STAG1: variants seen among roughly 807,000 people sequenced by gnomAD.
The protein encoded by STAG1 is STAG1 cohesin complex component, also known as cohesin subunit SA-1.
In STAG1, 26 loss-of-function variants were observed where a neutral mutation model predicts 170.9. That is an observed-to-expected ratio of 0.15 (90% CI 0.11 to 0.21). The LOEUF is 0.21. STAG1 is among the 10% of genes least tolerant of loss of function. The pLI, the probability that STAG1 is intolerant of heterozygous loss-of-function variation, is 1.00. For synonymous variants in STAG1, 514 were observed against 497.7 expected (o/e 1.03, Z -0.44); for missense variants, 964 against 1,509.5 (o/e 0.64, Z 5.99).
intron 4 of STAG1, among the ~76,000 whole-genome samples, chr3:136,598,338 C>T (rs1299727754): frequency 6.6e-6 from 1 of 152,078 alleles, no homozygotes; most frequent in African/African-American, 2.4e-5. Context: ...CCAAGTAATG[C>T]TTTAGCTGGC....
chr3:136,502,509 T>A, intron 8 of STAG1, 119 bp downstream of exon 8: 1 of 1,101,260 alleles, frequency 9.1e-7, no homozygotes. Context: ...AACCCTGACA[T>A]CAAATAATCT....
At chr3:136,750,433 G>GC (rs781173917) in intron 1 of STAG1, among the ~76,000 whole-genome samples, 4 of 152,152 alleles carry the variant, frequency 2.6e-5, no homozygotes, top group African/African-American at 4.8e-5. Flanking sequence ...ACACCATAGT[G>GC]CCTTTAAGGC....
chr3:136,362,446 T>A (rs1188162645), intron 26 of STAG1, among the ~76,000 whole-genome samples: 1 of 151,744 alleles, frequency 6.6e-6, no homozygotes, highest in Admixed American at 6.6e-5. Context: ...TGCTGATTGA[T>A]GTATACATCT....
chr3:136,524,721 T>C (rs918272765), intron 6 of STAG1, among the ~76,000 whole-genome samples: 4 of 145,624 alleles, frequency 2.7e-5, no homozygotes, highest in East Asian at 1.9e-4. Context: ...AGTATGATAC[T>C]GGCTGTGGGT....
chr3:136,498,559 T>G (rs549204169), intron 9 of STAG1, among the ~76,000 whole-genome samples: 1 of 151,906 alleles, frequency 6.6e-6, no homozygotes, highest in South Asian at 2.1e-4. Context: ...CACTTGAATT[T>G]CTTAAGGATG....
chr3:136,371,357 T>A (rs548119099), intron 23 of STAG1, among the ~76,000 whole-genome samples: 41 of 152,230 alleles, frequency 2.7e-4, no homozygotes, highest in Non-Finnish European at 5.7e-4. Flanking sequence ...CTCTTTAGTT[T>A]AATTAGATCC....
intron 1 of STAG1, among the ~76,000 whole-genome samples, chr3:136,664,762 G>GA (rs1485750804): frequency 2.0e-5 from 3 of 152,112 alleles, no homozygotes; most frequent in Non-Finnish European, 4.4e-5. Flanking sequence ...ACAGCCAAGA[G>GA]AAAGACCTGT....
At chr3:136,737,656 T>C (rs938763756) in intron 1 of STAG1, among the ~76,000 whole-genome samples, 2 of 152,254 alleles carry the variant, frequency 1.3e-5, no homozygotes, top group Non-Finnish European at 2.9e-5. Flanking sequence ...CAACAAATAT[T>C]TGTTAGCCCT....
At chr3:136,745,237 T>C (rs187738398) in intron 1 of STAG1, among the ~76,000 whole-genome samples, 2 of 152,306 alleles carry the variant, frequency 1.3e-5, no homozygotes, top group East Asian at 3.9e-4. Context: ...CAAAGGAATG[T>C]ATTTCATAAA....
At chr3:136,425,557 T>C (rs901235080) in intron 16 of STAG1, among the ~76,000 whole-genome samples, 5 of 152,034 alleles carry the variant, frequency 3.3e-5, no homozygotes, top group Admixed American at 6.6e-5. Flanking sequence ...TTTTAACTAA[T>C]GTAAATGTTT....
intron 28 of STAG1, among the ~76,000 whole-genome samples, chr3:136,350,202 C>T (rs1383120553): frequency 6.6e-6 from 1 of 152,022 alleles, no homozygotes; most frequent in Non-Finnish European, 1.5e-5. Flanking sequence ...AGCATTTGAT[C>T]CACAACCTGT....
At chr3:136,571,776 A>G (rs1576620234) in intron 4 of STAG1, among the ~76,000 whole-genome samples, 1 of 151,920 alleles carries the variant, frequency 6.6e-6, no homozygotes, top group East Asian at 1.9e-4. Context: ...AGCCACTTGG[A>G]AAGCTGAGGC....
intron 1 of STAG1, among the ~76,000 whole-genome samples, chr3:136,732,237 T>TAAAA (rs71134406): frequency 2.2e-4 from 19 of 85,730 alleles, no homozygotes; most frequent in East Asian, 1.1e-3. Flanking sequence ...TATCCACAAC[T>TAAAA]AAAAAAAAAA....
chr3:136,613,733 C>T (rs954700793), intron 3 of STAG1, among the ~76,000 whole-genome samples: 6 of 152,084 alleles, frequency 3.9e-5, no homozygotes, highest in Admixed American at 2.0e-4. Flanking sequence ...GTGATTTGCC[C>T]CGCCTTGGCT....
intron 14 of STAG1, among the ~76,000 whole-genome samples, chr3:136,445,042 T>G (rs1428091630): frequency 6.8e-6 from 1 of 147,210 alleles, no homozygotes; most frequent in South Asian, 2.2e-4. Flanking sequence ...TTTTTTTTTG[T>G]AGAGACGGGG....
intron 9 of STAG1, among the ~76,000 whole-genome samples, chr3:136,491,913 A>G (rs2090131685): frequency 6.6e-6 from 1 of 152,152 alleles, no homozygotes; most frequent in Non-Finnish European, 1.5e-5. Context: ...AATCACCTGA[A>G]CCCAGGAGGC....
At chr3:136,650,362 T>C (rs1020623696) in intron 1 of STAG1, among the ~76,000 whole-genome samples, 13 of 151,574 alleles carry the variant, frequency 8.6e-5, no homozygotes, top group African/African-American at 2.7e-4. Flanking sequence ...ATGAAGAAAA[T>C]AGTCATTTTT....
chr3:136,499,795 C>G (rs1241966089), intron 9 of STAG1: 1 of 150,370 alleles, frequency 6.7e-6, no homozygotes, highest in Non-Finnish European at 1.5e-5. Context: ...TTGCCCTTCT[C>G]TGTCCTCTTT....
chr3:136,623,104 G>C (rs371425244), intron 3 of STAG1, 42 bp downstream of exon 3: 4 of 1,515,470 alleles, frequency 2.6e-6, no homozygotes, highest in Non-Finnish European at 3.6e-6. Context: ...TCATTAACAC[G>C]GTCACTATTA....
Sources: gnomAD v4.1 joint callset for allele counts (sites outside exome capture counted in the v4.1 genomes callset) on GRCh38, gnomAD v4.1.1 for gene constraint, MANE v1.5 for transcripts, NCBI Gene and HGNC (gene_info 2026-07-23, HGNC 2026-07-21) for gene names.